The following ABL1 variants were observed in gnomAD, a reference collection of about 807,000 sequenced individuals.
The protein encoded by ABL1 is ABL proto-oncogene 1, non-receptor tyrosine kinase, also known as tyrosine-protein kinase ABL1.
A neutral mutation model predicts 94.7 loss-of-function variants in ABL1; 11 were observed. The observed-to-expected ratio is 0.12, with a 90% CI of 0.07 to 0.19. The LOEUF (loss-of-function observed/expected upper bound fraction) is 0.19. ABL1 is among the 10% of genes least tolerant of loss of function. The probability of loss-of-function intolerance (pLI) is 1.00; values close to 1 mark genes in which losing one functional copy is unlikely to be tolerated. For missense variants in ABL1, 1,082 were observed against 1,489.4 expected, an observed-to-expected ratio of 0.73 and a Z score of 4.50; for synonymous variants, 656 against 622.4, an observed-to-expected ratio of 1.05 and a Z score of -0.80.
At position 130,884,610 on chromosome 9, in the gene ABL1, C is replaced by G. The variant is rs765339927; in HGVS notation, c.2320C>G (p.Gln774Glu). The G allele has an allele frequency of 3.1e-6, 5 of 1,613,386 alleles. No individual in the cohort carries two copies. In the Admixed American group the frequency reaches 8.3e-5, roughly 27 times the overall value. Residue 774 changes from glutamine (Q) to glutamate (E), a missense_variant, in exon 11 of 11, where the codon CAG becomes GAG. By Grantham distance (29) the Gln-to-Glu change is conservative. This residue lies in a region of ABL1 where 780 missense variants were observed against 835.8 expected (regional missense o/e 0.93). Transcript: ENST00000318560. This position sits in a 1 kb window ranked among gnomAD's most constrained non-coding sequence, Gnocchi z 5.6. Reference sequence around the variant, plus strand: ...GAGGGCAGGGGAGAACAGGTCTGACCAGGTGACCCGAGGCACAGTAACGCC... The same window carrying G: ...GAGGGCAGGGGAGAACAGGTCTGACGAGGTGACCCGAGGCACAGTAACGCC... ...RKRAGENRSD[Q>E]VTRGTVTPPP...
intron 1 of ABL1, among the ~76,000 whole-genome samples, chr9:130,745,994 A>G (rs1300727925): frequency 6.6e-6 from 1 of 152,166 alleles, no homozygotes; most frequent in African/African-American, 2.4e-5. Flanking sequence ...ATCCCTTGCC[A>G]GTTTCATGCT....
intron 1 of ABL1, among the ~76,000 whole-genome samples, chr9:130,770,210 T>A (rs1193267759): frequency 6.6e-6 from 1 of 152,056 alleles, no homozygotes. Context: ...CCTAGAAGAT[T>A]ATTAAGATTT....
chr9:130,747,169 G>GT (rs1479115244), intron 1 of ABL1, among the ~76,000 whole-genome samples: 1 of 152,120 alleles, frequency 6.6e-6, no homozygotes, highest in Non-Finnish European at 1.5e-5. Flanking sequence ...GAGCTCAGGA[G>GT]TTTGAGACCA....
intron 4 of ABL1, among the ~76,000 whole-genome samples, chr9:130,867,027 CTT>C (rs201374636): frequency 6.6e-6 from 1 of 152,070 alleles, no homozygotes; most frequent in Non-Finnish European, 1.5e-5. Flanking sequence ...ACATCAGTGT[CTT>C]TTTTTTCTAT....
At chr9:130,756,069 A>G (rs1832037852) in intron 1 of ABL1, among the ~76,000 whole-genome samples, 1 of 152,212 alleles carries the variant, frequency 6.6e-6, no homozygotes, top group African/African-American at 2.4e-5. Flanking sequence ...TATTATTTCA[A>G]AGGAAGCATG....
intron 1 of ABL1, among the ~76,000 whole-genome samples, chr9:130,826,174 G>C (rs1207945911): frequency 6.6e-6 from 1 of 151,132 alleles, no homozygotes; most frequent in East Asian, 1.9e-4. Flanking sequence ...TTTTGAGACA[G>C]AGTCGGCGCA....
At chr9:130,750,753 T>A (rs975232575) in intron 1 of ABL1, among the ~76,000 whole-genome samples, 24 of 149,790 alleles carry the variant, frequency 1.6e-4, no homozygotes, top group Non-Finnish European at 2.5e-4. Flanking sequence ...TTCAAGTGAT[T>A]CTTCTGCCTC....
At chr9:130,824,131 A>C (rs1455667653) in intron 1 of ABL1, among the ~76,000 whole-genome samples, 1 of 152,172 alleles carries the variant, frequency 6.6e-6, no homozygotes, top group Admixed American at 6.5e-5. Context: ...ATTGATTATA[A>C]GGTATTGGCT....
chr9:130,785,820 G>A (rs551243256), intron 1 of ABL1, among the ~76,000 whole-genome samples: 1 of 151,690 alleles, frequency 6.6e-6, no homozygotes, highest in Non-Finnish European at 1.5e-5. Context: ...CTACTCAGGA[G>A]GCTGAGGCAC....
intron 1 of ABL1, among the ~76,000 whole-genome samples, chr9:130,773,628 CTTT>C (rs57265547): frequency 9.2e-6 from 1 of 108,972 alleles, no homozygotes; most frequent in Admixed American, 9.7e-5. Flanking sequence ...CTGGCTAACT[CTTT>C]TTTTTTTTTT....
chr9:130,804,419 T>G (rs1830098467), intron 1 of ABL1, among the ~76,000 whole-genome samples: 1 of 152,060 alleles, frequency 6.6e-6, no homozygotes, highest in Non-Finnish European at 1.5e-5. Context: ...AAACCCCGTC[T>G]CTACTAAAAA....
intron 1 of ABL1, among the ~76,000 whole-genome samples, chr9:130,735,978 C>A (rs1831736780): frequency 1.2e-5 from 1 of 82,522 alleles, no homozygotes; most frequent in Non-Finnish European, 1.9e-5. Flanking sequence ...TTTTTTAAGA[C>A]AGGGTCTGGC....
chr9:130,751,398 C>T (rs1158847077), intron 1 of ABL1, among the ~76,000 whole-genome samples: 1 of 152,016 alleles, frequency 6.6e-6, no homozygotes, highest in African/African-American at 2.4e-5. Flanking sequence ...CTGCCTTGGC[C>T]TCCCAAAGTG....
intron 1 of ABL1, among the ~76,000 whole-genome samples, chr9:130,718,166 A>G (rs980425027): frequency 2.6e-5 from 4 of 151,508 alleles, no homozygotes; most frequent in Non-Finnish European, 4.4e-5. Flanking sequence ...AAAAATACAA[A>G]AATTAGATGG....
chr9:130,781,820 G>C (rs552163876), intron 1 of ABL1, among the ~76,000 whole-genome samples: 1 of 152,072 alleles, frequency 6.6e-6, no homozygotes, highest in Admixed American at 6.5e-5. Flanking sequence ...AAACAGTGAG[G>C]CTTCTGGGCA....
chr9:130,747,339 C>G (rs1180082532), intron 1 of ABL1, among the ~76,000 whole-genome samples: 1 of 152,126 alleles, frequency 6.6e-6, no homozygotes, highest in Admixed American at 6.5e-5. Context: ...GATTGCACCA[C>G]TGTGCTCCAT....
In ABL1 at chr9:130,885,215, C is replaced by T. The variant is rs748558131; in HGVS notation, c.2925C>T (p.Pro975=). ...AGTCCGCCAAGCCGTCGGGGACCCC[C>T]ATCAGCCCAGCCCCCGTTCCCTCCA... ...KPQSAKPSGT[P]ISPAPVPSTL... Residue 975 remains proline, a synonymous_variant, in exon 11 of 11, where the codon CCC becomes CCT. Coordinates refer to ENST00000318560, the MANE Select transcript of ABL1 (RefSeq NM_005157.6). 3.1e-6 allele frequency: 5 copies of T among 1,613,750 alleles called. No homozygotes were observed. The Middle Eastern group carries it at 8.2e-4, about 266-fold the overall frequency.
intron 1 of ABL1, among the ~76,000 whole-genome samples, chr9:130,727,771 A>G (rs1831607659): frequency 7.3e-6 from 1 of 137,598 alleles, no homozygotes; most frequent in African/African-American, 2.7e-5. Context: ...CCCAAAAAAA[A>G]GCATTTATTA....
intron 1 of ABL1, among the ~76,000 whole-genome samples, chr9:130,776,872 G>A (rs1453125231): frequency 6.6e-6 from 1 of 152,192 alleles, no homozygotes; most frequent in East Asian, 1.9e-4. Flanking sequence ...GGATACAGGT[G>A]TGAGCCACCA....
Sources: gnomAD v4.1 joint callset for allele counts (sites outside exome capture counted in the v4.1 genomes callset) on GRCh38, gnomAD v4.1.1 for gene constraint, gnomAD v4.1.1 regional missense constraint, Gnocchi (gnomAD v3.1) non-coding constraint, MANE v1.5 for transcripts, NCBI Gene and HGNC (gene_info 2026-07-23, HGNC 2026-07-21) for gene names.